The following CAST variants were observed in gnomAD, a reference collection of about 807,000 sequenced individuals.
The protein encoded by CAST is MIR583 host.
CAST carries 76 observed loss-of-function variants against 119.6 expected under a neutral mutation model. That is an observed-to-expected ratio of 0.64 (90% CI 0.53 to 0.77). The LOEUF is 0.77. CAST is among the 30% of genes least tolerant of loss of function. The pLI, the probability that CAST is intolerant of heterozygous loss-of-function variation, is 0.00. For synonymous variants in CAST, 319 were observed against 331.6 expected (o/e 0.96, Z 0.41); for missense variants, 953 against 946.5 (o/e 1.01, Z -0.09).
chr5:96,217,204 A>ATTTTTTTTTTTTTTTTT, the CAST span, among the ~76,000 whole-genome samples: 19 of 97,022 alleles, frequency 2.0e-4, 2 homozygotes, highest in African/African-American at 6.5e-4. Context: ...ATGCTAGCTA[A>ATTTTTTTTTTTTTTTTT]TTTTTTTTTT....
At chr5:96,540,898 T>A (rs894050155) in intron 1 of CAST, among the ~76,000 whole-genome samples, 2 of 152,192 alleles carry the variant, frequency 1.3e-5, no homozygotes, top group Non-Finnish European at 2.9e-5. Flanking sequence ...AGTGCCCTTT[T>A]CATTGTACAT....
At chr5:96,755,349 A>G (rs1476502178) in intron 22 of CAST, among the ~76,000 whole-genome samples, 1 of 152,176 alleles carries the variant, frequency 6.6e-6, no homozygotes, top group Non-Finnish European at 1.5e-5. Context: ...AAAAAGAAGT[A>G]AAAAATGAAA....
chr5:96,240,498 T>C, the CAST span, among the ~76,000 whole-genome samples: 1 of 152,210 alleles, frequency 6.6e-6, no homozygotes, highest in African/African-American at 2.4e-5. Flanking sequence ...TCCTTCCCAG[T>C]TGAAATCTTA....
At chr5:96,062,448 C>T in the CAST span, among the ~76,000 whole-genome samples, 1 of 152,054 alleles carries the variant, frequency 6.6e-6, no homozygotes, top group Admixed American at 6.6e-5. Context: ...TGGAGTAGTG[C>T]CATTTACCTT....
chr5:96,297,765 A>G, the CAST span, among the ~76,000 whole-genome samples: 3 of 152,074 alleles, frequency 2.0e-5, no homozygotes, highest in Admixed American at 2.0e-4. Flanking sequence ...TGGTATGGCT[A>G]TGCCTGGCTT....
the CAST span, among the ~76,000 whole-genome samples, chr5:96,481,948 C>A: frequency 5.9e-5 from 9 of 152,098 alleles, no homozygotes; most frequent in Non-Finnish European, 1.2e-4. Context: ...TAAAAAAACT[C>A]TAAGTAATTA....
the CAST span, among the ~76,000 whole-genome samples, chr5:96,272,970 A>C: frequency 6.6e-6 from 1 of 152,226 alleles, no homozygotes; most frequent in Non-Finnish European, 1.5e-5. Flanking sequence ...ATAAATGTGA[A>C]CAGGTTCAAG....
At chr5:95,966,157 T>C in the CAST span, among the ~76,000 whole-genome samples, 81 of 152,228 alleles carry the variant, frequency 5.3e-4, no homozygotes, top group African/African-American at 1.8e-3. Context: ...AGGACCTGAA[T>C]TGAAAGTGTG....
chr5:96,277,564 A>G, the CAST span, among the ~76,000 whole-genome samples: 1 of 152,172 alleles, frequency 6.6e-6, no homozygotes, highest in Middle Eastern at 3.2e-3. Flanking sequence ...AATATTCTCA[A>G]GTTTGTCTAA....
chr5:96,219,761 GAAGGAAGGAAGGAAGA>G, the CAST span, among the ~76,000 whole-genome samples: 3,114 of 147,876 alleles, frequency 0.021, 114 homozygotes, highest in African/African-American at 0.075. Flanking sequence ...AGGCAGGCAG[GAAGGAAGGAAGGAAGA>G]AAGGAAGGAA....
At chr5:96,084,738 A>G in the CAST span, among the ~76,000 whole-genome samples, 22 of 152,288 alleles carry the variant, frequency 1.4e-4, 1 homozygote, top group East Asian at 2.7e-3. Context: ...CCCTCTGCTC[A>G]ATGTTCATAT....
the CAST span, among the ~76,000 whole-genome samples, chr5:96,254,310 T>C: frequency 3.3e-5 from 5 of 152,112 alleles, no homozygotes; most frequent in Admixed American, 2.0e-4. Context: ...ATTATTTCAG[T>C]GACTTTATGT....
chr5:96,187,301 C>T, the CAST span, among the ~76,000 whole-genome samples: 1,109 of 151,894 alleles, frequency 7.3e-3, 19 homozygotes, highest in African/African-American at 0.026. Context: ...AAAACAGCTC[C>T]TGATTTGTTG....
At chr5:95,992,610 T>G in the CAST span, among the ~76,000 whole-genome samples, 12 of 152,186 alleles carry the variant, frequency 7.9e-5, no homozygotes, top group Non-Finnish European at 7.3e-5. Context: ...CAATGTGATA[T>G]TCTAGATTAG....
At chr5:96,186,487 T>A in the CAST span, among the ~76,000 whole-genome samples, 1 of 152,218 alleles carries the variant, frequency 6.6e-6, no homozygotes, top group Non-Finnish European at 1.5e-5. Flanking sequence ...TGTGGGTTTG[T>A]CGTATATGAC....
At chr5:96,334,470 C>T in the CAST span, among the ~76,000 whole-genome samples, 1 of 152,196 alleles carries the variant, frequency 6.6e-6, no homozygotes, top group African/African-American at 2.4e-5. Context: ...CTATAAGCCA[C>T]ACCATCGGAG....
chr5:96,579,178 A>C (rs1289676350), intron 1 of CAST, among the ~76,000 whole-genome samples: 1 of 152,146 alleles, frequency 6.6e-6, no homozygotes, highest in East Asian at 1.9e-4. Flanking sequence ...AGTCCTAGGC[A>C]CGTGGAAGTG....
At chr5:96,446,853 G>A in the CAST span, among the ~76,000 whole-genome samples, 1 of 152,158 alleles carries the variant, frequency 6.6e-6, no homozygotes, top group Non-Finnish European at 1.5e-5. Flanking sequence ...AGCATCTGTG[G>A]AATATGAGCA....
rs1157295419 is a variant in CAST, at chr5:96,770,550, C to T, written c.2288C>T (p.Ala763Val). Residue 763 changes from alanine (A) to valine (V), a missense_variant, in exon 30 of 32, where the codon GCT becomes GTT. Coordinates refer to ENST00000675179, the MANE Select transcript of CAST (RefSeq NM_001750.7). ...CTTTAGGATAAGTGCAAGAAGGCTG[C>T]TTCCAGCTCCAAAGCACCTAAGAAT... ...NTAKDKCKKAASSSKAPKNGG... is the reference protein window; with the variant it reads ...NTAKDKCKKAVSSSKAPKNGG... 6.2e-6 allele frequency: 10 copies of T among 1,612,878 alleles called. No individual in the cohort carries two copies.
Sources: allele counts gnomAD v4.1 joint callset (sites outside exome capture counted in the v4.1 genomes callset), GRCh38; gene constraint gnomAD v4.1.1; transcripts MANE v1.5; gene names NCBI Gene and HGNC (gene_info 2026-07-23, HGNC 2026-07-21).